SGO1: variants seen among roughly 807,000 people sequenced by gnomAD.
The protein encoded by SGO1 is serologically defined breast cancer antigen NY-BR-85.
SGO1 carries 39 observed loss-of-function variants against 50.5 expected under a neutral mutation model. That is an observed-to-expected ratio of 0.77 (90% CI 0.60 to 1.01). SGO1 has a LOEUF of 1.01. SGO1 is among the 50% of genes least tolerant of loss of function. The pLI, the probability that SGO1 is intolerant of heterozygous loss-of-function variation, is 0.00. For synonymous variants in SGO1, 191 were observed against 205.1 expected, an observed-to-expected ratio of 0.93 and a Z score of 0.59; for missense variants, 638 against 606.0, an observed-to-expected ratio of 1.05 and a Z score of -0.55.
chr3:20,178,507 C>T (rs921009127), intron 3 of SGO1, among the ~76,000 whole-genome samples, 160 bp from the exon 4 acceptor site: 2 of 152,096 alleles, frequency 1.3e-5, no homozygotes, highest in African/African-American at 4.8e-5. Flanking sequence ...AAGTCTTATC[C>T]TTTTAAAGCT....
chr3:20,184,968 A>G (rs1323489141), intron 1 of SGO1, among the ~76,000 whole-genome samples: 2 of 152,182 alleles, frequency 1.3e-5, no homozygotes, highest in African/African-American at 4.8e-5. Context: ...TATGCACAGA[A>G]TTTTCACTAC....
downstream of SGO1, among the ~76,000 whole-genome samples, chr3:20,164,924 T>C (rs1448217484): frequency 6.6e-6 from 1 of 152,190 alleles, no homozygotes; most frequent in African/African-American, 2.4e-5. Context: ...TCTTAACCTA[T>C]ACCTCAGGAA....
exon 9 of SGO1, chr3:20,161,052 T>G: frequency 6.2e-7 from 1 of 1,611,112 alleles, no homozygotes; most frequent in Non-Finnish European, 8.5e-7. Flanking sequence ...TCTGCATACA[T>G]TAGTGAATGC....
chr3:20,178,271 G>A lies in SGO1; in HGVS notation c.416C>T (p.Pro139Leu), dbSNP rs764126165. The A allele has an allele frequency of 1.4e-5, 22 of 1,599,066 alleles. No homozygotes were observed. Among genetic ancestry groups the A allele is most frequent in the South Asian group, 5.5e-5 (5 of 90,656 alleles). ...TCATGATAAAGAATTTGATACTAACGGTAAATCCTTCACAAATAAATTTCT... is the reference window on the plus strand; with the variant it reads ...TCATGATAAAGAATTTGATACTAACAGTAAATCCTTCACAAATAAATTTCT... ...SSRNLFVKDLPQIPLEETELP... is the reference protein window; with the variant it reads ...SSRNLFVKDLLQIPLEETELP... Residue 139 changes from proline (P) to leucine (L), a missense_variant and splice_region_variant, in exon 4 of 8, where the codon CCG becomes CTG. By Grantham distance (98) the Pro-to-Leu change is moderately conservative. Coordinates refer to ENST00000412997, the MANE Select transcript of SGO1 (RefSeq NM_001199251.3).
intron 5 of SGO1, 95 bp from the exon 6 acceptor site, chr3:20,175,150 C>CA: frequency 1.6e-6 from 2 of 1,241,654 alleles, no homozygotes; most frequent in Non-Finnish European, 2.1e-6. Context: ...AGTGAATGAC[C>CA]AAAAGGTCAT....
At chr3:20,169,102 T>G (rs1440942895), downstream of SGO1, 4 of 984,972 alleles carry the variant, frequency 4.1e-6, no homozygotes, top group East Asian at 1.1e-4. Context: ...ATGTGGCGGA[T>G]AGAAAAATTT....
In SGO1 at chr3:20,174,951, T is replaced by C. The variant is rs141448850; in HGVS notation, c.580A>G (p.Ser194Gly). 180 of 1,613,928 alleles carry C rather than the reference T, an allele frequency of 1.1e-4. No homozygotes were observed. Among genetic ancestry groups the C allele is most frequent in the Middle Eastern group, 4.9e-4 (3 of 6,082 alleles). The part of the protein sequence containing the change: ...VLPRTVSVRS[S>G]LKKHCNSICQ... ...ATACTGTTACAATGTTTCTTTAAAC[T>C]GCTACGAACAGATACAGTTCTAGGT... Residue 194 changes from serine to glycine, a missense_variant, in exon 6 of 8, where the codon AGT becomes GGT. Coordinates refer to ENST00000412997, the MANE Select transcript of SGO1 (RefSeq NM_001199251.3).
Position 20,174,892 on chromosome 3 carries a change from G to C in SGO1, c.639C>G (p.Thr213=). Reference sequence around the variant, plus strand: ...CAAAAGACTTCCCTGCCAAATGACTGGTTTCAAAATCATCCAAGCTATCAA... The same window carrying C: ...CAAAAGACTTCCCTGCCAAATGACTCGTTTCAAAATCATCCAAGCTATCAA... ...CQFDSLDDFE[T]SHLAGKSFEF... The change falls in exon 6 of 8, where the codon ACC becomes ACG. Residue 213 remains threonine, a synonymous_variant. Coordinates refer to ENST00000412997, the MANE Select transcript of SGO1 (RefSeq NM_001199251.3). 1 of 1,613,904 alleles carries C rather than the reference G, an allele frequency of 6.2e-7. No homozygotes were observed. The highest frequency in any genetic ancestry group is 1.3e-5 in the African/African-American group (1 of 75,020).
At chr3:20,169,044 T>G, downstream of SGO1, 1 of 984,410 alleles carries the variant, frequency 1.0e-6, no homozygotes, top group Non-Finnish European at 1.2e-6. Context: ...AAAAAAAAAC[T>G]TAAAAATTAA....
In SGO1 at chr3:20,174,650, T is replaced by C. The variant is rs1701165758; in HGVS notation, c.881A>G (p.Glu294Gly). The C allele has an allele frequency of 6.2e-7, 1 of 1,603,854 alleles. No homozygotes were observed. Among genetic ancestry groups the C allele is most frequent in the African/African-American group, 1.3e-5 (1 of 74,118 alleles). ...QRDTQERKRE[E>G]KRKANRRKSK... ...TTTTCTCCTGTTAGCTTTTCTTTTC[T>C]CTTCTCTTTTTCTTTCTTGTGTATC... The change falls in exon 6 of 8, where the codon GAG (glutamate) becomes GGG (glycine). Residue 294 changes from glutamate (E) to glycine (G), a missense_variant. Physicochemically the swap from Glu to Gly is moderately conservative, Grantham distance 98 (BLOSUM62 -2). Coordinates refer to ENST00000412997, the MANE Select transcript of SGO1 (RefSeq NM_001199251.3).
chr3:20,177,514 A>G (rs957844301), intron 4 of SGO1, among the ~76,000 whole-genome samples: 24 of 152,320 alleles, frequency 1.6e-4, no homozygotes, highest in Admixed American at 1.3e-3. Flanking sequence ...ACATGCCACA[A>G]TATCTGAAGT....
chr3:20,172,882 C>A (rs996185804), intron 6 of SGO1, among the ~76,000 whole-genome samples: 2 of 151,472 alleles, frequency 1.3e-5, no homozygotes, highest in Non-Finnish European at 2.9e-5. Flanking sequence ...GGAAGAATCA[C>A]TTGAGCCTGG....
In SGO1 at chr3:20,170,047, A is replaced by G; in HGVS notation, c.*657T>C. 3 of 985,020 alleles carry G rather than the reference A, an allele frequency of 3.0e-6. No individual in the cohort carries two copies. The highest frequency in any genetic ancestry group is 3.6e-6 in the Non-Finnish European group (3 of 829,536). 61.0% of individuals were successfully genotyped at this position (985,020 alleles called of 1,614,324 possible). On this transcript the variant is annotated 3_prime_UTR_variant, in exon 8 of 8. Transcript: ENST00000412997. ...TACTTAAGGGAAAAATAGAGATGCCAGAAGCTTATAATTAAAAGATCTTAT... is the reference window on the plus strand; with the variant it reads ...TACTTAAGGGAAAAATAGAGATGCCGGAAGCTTATAATTAAAAGATCTTAT...
chr3:20,175,669 G>A (rs1365365467), intron 5 of SGO1, among the ~76,000 whole-genome samples: 7 of 151,820 alleles, frequency 4.6e-5, no homozygotes, highest in African/African-American at 1.7e-4. Context: ...CGTGGTGGTG[G>A]GTGCCTGTAG....
At chr3:20,178,856 G>A (rs1432543584) in intron 3 of SGO1, among the ~76,000 whole-genome samples, 1 of 152,218 alleles carries the variant, frequency 6.6e-6, no homozygotes, top group Non-Finnish European at 1.5e-5. Flanking sequence ...AGGGCCTTGA[G>A]AGCCATGAGT....
intron 5 of SGO1, among the ~76,000 whole-genome samples, chr3:20,176,093 C>G (rs190321619): frequency 6.6e-6 from 1 of 152,184 alleles, no homozygotes; most frequent in Non-Finnish European, 1.5e-5. Context: ...CAAATACTAT[C>G]CTTTCTTCAA....
chr3:20,184,894 C>A (rs189825042), intron 1 of SGO1, among the ~76,000 whole-genome samples: 23 of 151,324 alleles, frequency 1.5e-4, no homozygotes, highest in African/African-American at 5.6e-4. Context: ...ACATCTTTTA[C>A]GCTAGATTGC....
rs889935527 is a variant in SGO1, at chr3:20,169,643, T to C, written c.*1061A>G. On this transcript the variant is annotated 3_prime_UTR_variant, in exon 8 of 8. Transcript: ENST00000412997. ...TGCAAAAACCCTAAATATTCACACA[T>C]TTAATCTCTGAGATTTCTGACTAAA... The C allele has an allele frequency of 3.1e-6, 3 of 979,300 alleles. No homozygotes were observed. The highest frequency in any genetic ancestry group is 1.1e-4 in the East Asian group (1 of 8,796). The allele number at this position is 979,300 out of a possible 1,614,324, so 60.7% of individuals were successfully genotyped here. A position where few individuals can be genotyped will look rare whatever the true frequency, so the allele number is the denominator to read the frequency against.
intron 6 of SGO1, among the ~76,000 whole-genome samples, chr3:20,171,977 C>T (rs765542799): frequency 1.3e-4 from 20 of 152,120 alleles, no homozygotes; most frequent in Non-Finnish European, 1.5e-4. Flanking sequence ...AACTGTATCC[C>T]CAAAAAAGTA....
Sources: gnomAD v4.1 joint callset for allele counts (sites outside exome capture counted in the v4.1 genomes callset) on GRCh38, gnomAD v4.1.1 for gene constraint, MANE v1.5 for transcripts, NCBI Gene and HGNC (gene_info 2026-07-23, HGNC 2026-07-21) for gene names.